SGCZ: variants seen among roughly 807,000 people sequenced by gnomAD.
SGCZ encodes sarcoglycan zeta.
Under a neutral mutation model 41.3 loss-of-function variants are expected in SGCZ, and 40 were observed. The ratio of observed to expected loss-of-function variants is 0.97; its 90% CI spans 0.75 to 1.26. The LOEUF is 1.26. Among genes scored for constraint, SGCZ ranks in the 50% most tolerant of loss-of-function variants. The pLI is 0.00. For missense variants in SGCZ, 552 were observed against 369.8 expected, an observed-to-expected ratio of 1.49 and a Z score of -4.04; for synonymous variants, 206 against 137.5, an observed-to-expected ratio of 1.50 and a Z score of -3.49.
intron 1 of SGCZ, among the ~76,000 whole-genome samples, chr8:14,788,524 C>T (rs1800846353): frequency 6.6e-6 from 1 of 152,114 alleles, no homozygotes; most frequent in Non-Finnish European, 1.5e-5. Context: ...AGTAGCTTAA[C>T]TTTTTAACTT....
At chr8:14,288,326 G>C (rs990506863) in intron 3 of SGCZ, among the ~76,000 whole-genome samples, 10 of 152,006 alleles carry the variant, frequency 6.6e-5, no homozygotes, top group African/African-American at 2.2e-4. Flanking sequence ...GTACAATTAA[G>C]TGGCAGGTAG....
rs111457906 is a variant in SGCZ at position 14,978,447 on chromosome 8, G to A, written c.39+259138C>T. On this transcript the variant is annotated intron_variant, in intron 1 of 7. Transcript: ENST00000382080. ...GATCGCGGCATTGCACTCTAGCCTGGAGGACCGAGTGAGACACCGTCACAA... is the reference window on the plus strand; with the variant it reads ...GATCGCGGCATTGCACTCTAGCCTGAAGGACCGAGTGAGACACCGTCACAA... Among the ~76,000 whole-genome samples, 178 of 106,520 alleles carry A rather than the reference G, an allele frequency of 1.7e-3. 2 individuals are homozygous for A. The highest frequency in any genetic ancestry group is 8.3e-3 in the African/African-American group (169 of 20,280). The allele number at this position is 106,520 out of a possible 152,430, so 69.9% of individuals were successfully genotyped here.
intron 1 of SGCZ, among the ~76,000 whole-genome samples, chr8:14,603,444 A>T (rs1228124987): frequency 6.6e-6 from 1 of 152,114 alleles, no homozygotes; most frequent in East Asian, 1.9e-4. Context: ...TTCATCTAAA[A>T]AACAACTTTT....
intron 3 of SGCZ, among the ~76,000 whole-genome samples, chr8:14,317,001 G>A (rs34201730): frequency 0.24 from 35,763 of 151,666 alleles, 5,395 homozygotes; most frequent in Non-Finnish European, 0.35. Flanking sequence ...AGTGGCAATT[G>A]CTCAGACCAA....
intron 1 of SGCZ, among the ~76,000 whole-genome samples, chr8:14,680,849 A>C (rs184804752): frequency 1.3e-5 from 2 of 151,872 alleles, no homozygotes; most frequent in African/African-American, 2.4e-5. Flanking sequence ...TCTTAGATGA[A>C]ATATATACTG....
chr8:15,059,334 G>C (rs1804832397), intron 1 of SGCZ, among the ~76,000 whole-genome samples: 1 of 152,068 alleles, frequency 6.6e-6, no homozygotes, highest in Admixed American at 6.5e-5. Context: ...ACCTCCTAAG[G>C]AGCACATGAA....
chr8:15,233,378 G>T (rs1004259211), intron 1 of SGCZ, among the ~76,000 whole-genome samples: 2 of 149,860 alleles, frequency 1.3e-5, no homozygotes, highest in African/African-American at 2.4e-5. Context: ...TCTTTTAAGT[G>T]CCAACTCTCT....
rs554113303 is a variant in SGCZ at position 15,013,912 on chromosome 8, T to A, written c.39+223673A>T. Among the ~76,000 whole-genome samples the A allele has an allele frequency of 1.9e-4, 29 of 152,274 alleles. 1 individual carries two copies. In the South Asian group the frequency reaches 2.5e-3, roughly 13 times the overall value. On this transcript the variant is annotated intron_variant, in intron 1 of 7. Coordinates refer to ENST00000382080, the MANE Select transcript of SGCZ (RefSeq NM_139167.4). ...GGGCTCGGGCAGCTAGATTCATGCT[T>A]TCTCAGTTTAATGCTATTATTGTAA...
intron 2 of SGCZ, among the ~76,000 whole-genome samples, chr8:14,469,703 G>A (rs977276421): frequency 6.6e-6 from 1 of 152,060 alleles, no homozygotes; most frequent in African/African-American, 2.4e-5. Flanking sequence ...GGCTTTCAGG[G>A]AGGAGATATT....
At chr8:14,694,847 T>C (rs753819216) in intron 1 of SGCZ, among the ~76,000 whole-genome samples, 2 of 152,194 alleles carry the variant, frequency 1.3e-5, no homozygotes, top group African/African-American at 4.8e-5. Flanking sequence ...ATATTGTCTA[T>C]AGAACATTCA....
At chr8:14,759,508 C>G (rs147932730) in intron 1 of SGCZ, among the ~76,000 whole-genome samples, 20 of 152,204 alleles carry the variant, frequency 1.3e-4, no homozygotes, top group African/African-American at 4.8e-4. Context: ...ATCAAAAGAT[C>G]ATTAAAAGTT....
At chr8:14,680,742 A>G (rs1204723840) in intron 1 of SGCZ, among the ~76,000 whole-genome samples, 1 of 150,836 alleles carries the variant, frequency 6.6e-6, no homozygotes, top group Admixed American at 6.6e-5. Flanking sequence ...TATACTACAT[A>G]TATTCCAAAG....
chr8:14,585,779 G>A (rs530994987), intron 1 of SGCZ, among the ~76,000 whole-genome samples: 4 of 152,086 alleles, frequency 2.6e-5, no homozygotes, highest in Non-Finnish European at 5.9e-5. Flanking sequence ...GAGGTAAGAT[G>A]ATTCAATGAA....
chr8:14,696,081 A>G (rs1251181205), intron 1 of SGCZ, among the ~76,000 whole-genome samples: 1 of 152,102 alleles, frequency 6.6e-6, no homozygotes, highest in Non-Finnish European at 1.5e-5. Flanking sequence ...CAGTTCATTC[A>G]TACAGTTGTA....
chr8:14,472,827 G>A (rs901370872), intron 2 of SGCZ, among the ~76,000 whole-genome samples: 4 of 151,980 alleles, frequency 2.6e-5, no homozygotes, highest in African/African-American at 9.7e-5. Flanking sequence ...AAAATGTTTA[G>A]TTTTTATTTC....
At chr8:14,466,226 C>A (rs942101576) in intron 2 of SGCZ, among the ~76,000 whole-genome samples, 1 of 151,896 alleles carries the variant, frequency 6.6e-6, no homozygotes, top group Non-Finnish European at 1.5e-5. Context: ...TATCAATGGA[C>A]AGTTTGTTGG....
chr8:14,501,358 T>C (rs998658648), intron 2 of SGCZ, among the ~76,000 whole-genome samples: 1 of 152,016 alleles, frequency 6.6e-6, no homozygotes, highest in Non-Finnish European at 1.5e-5. Context: ...TAACCTAACA[T>C]AGTCACAGTT....
At chr8:14,997,017 G>T (rs1462077316) in intron 1 of SGCZ, among the ~76,000 whole-genome samples, 1 of 152,184 alleles carries the variant, frequency 6.6e-6, no homozygotes, top group East Asian at 1.9e-4. Flanking sequence ...TTATGTTGTG[G>T]GATTTCTCCT....
At chr8:14,448,523 T>C (rs1367503075) in intron 2 of SGCZ, among the ~76,000 whole-genome samples, 1 of 152,142 alleles carries the variant, frequency 6.6e-6, no homozygotes, top group Non-Finnish European at 1.5e-5. Flanking sequence ...TCTATGGGAA[T>C]TGCTGAGTCA....
Sources: gnomAD v4.1 joint callset for allele counts (sites outside exome capture counted in the v4.1 genomes callset) on GRCh38, gnomAD v4.1.1 for gene constraint, MANE v1.5 for transcripts, NCBI Gene and HGNC (gene_info 2026-07-23, HGNC 2026-07-21) for gene names.